SLC41A3: variants seen among roughly 807,000 people sequenced by gnomAD.
SLC41A3 encodes SLC41A1-like 2.
A neutral mutation model predicts 45.4 loss-of-function variants in SLC41A3; 44 were observed. The ratio of observed to expected loss-of-function variants is 0.97; its 90% CI spans 0.76 to 1.25. The LOEUF is 1.25. Ranked by LOEUF, SLC41A3 falls within the 50% of genes most tolerant of loss-of-function variation. SLC41A3 has a pLI of 0.00. For missense variants in SLC41A3, 550 were observed against 600.6 expected, an observed-to-expected ratio of 0.92 and a Z score of 0.88; for synonymous variants, 256 against 252.4, an observed-to-expected ratio of 1.01 and a Z score of -0.13.
At chr3:126,066,446 G>A (rs548518313) in intron 2 of SLC41A3, among the ~76,000 whole-genome samples, 9 of 152,210 alleles carry the variant, frequency 5.9e-5, no homozygotes, top group African/African-American at 1.2e-4. Flanking sequence ...TTAATATAAC[G>A]CGTGAGTTTT....
At chr3:126,021,512 C>T (rs1335065181) in intron 6 of SLC41A3, among the ~76,000 whole-genome samples, 5 of 152,242 alleles carry the variant, frequency 3.3e-5, no homozygotes, top group African/African-American at 9.6e-5. Context: ...TCCTGTCATT[C>T]CAGGCACCAG....
intron 1 of SLC41A3, chr3:126,095,175 T>C: frequency 4.4e-6 from 3 of 688,152 alleles, no homozygotes; most frequent in Non-Finnish European, 7.9e-6. Flanking sequence ...GAGGTTATGC[T>C]TATGTCTCTC....
chr3:126,080,761 G>A (rs989009452), intron 1 of SLC41A3, among the ~76,000 whole-genome samples: 30 of 152,242 alleles, frequency 2.0e-4, no homozygotes, highest in East Asian at 1.2e-3. Flanking sequence ...GACCAGCCTG[G>A]CCAACATGCC....
At chr3:126,095,260 G>A (rs1945573260) in intron 1 of SLC41A3, 2 of 684,286 alleles carry the variant, frequency 2.9e-6, no homozygotes, top group African/African-American at 3.5e-5. Context: ...TGCCAAGGAA[G>A]AGATTCCAGG....
chr3:126,040,553 A>G (rs79467178), intron 3 of SLC41A3, among the ~76,000 whole-genome samples: 1 of 152,126 alleles, frequency 6.6e-6, no homozygotes, highest in African/African-American at 2.4e-5. Context: ...AGGAGCTTCA[A>G]GGAGGGTTGA....
At chr3:126,080,919 C>CTT (rs145306503) in intron 1 of SLC41A3, among the ~76,000 whole-genome samples, 3,993 of 151,720 alleles carry the variant, frequency 0.026, 86 homozygotes, top group Non-Finnish European at 0.037. Flanking sequence ...CCACTGCACT[C>CTT]TAGCCTGGGC....
chr3:126,089,464 C>A (rs914170726), intron 1 of SLC41A3, among the ~76,000 whole-genome samples: 2 of 152,180 alleles, frequency 1.3e-5, no homozygotes, highest in Non-Finnish European at 2.9e-5. Flanking sequence ...CTGCATTTGA[C>A]TGAGGGATGT....
chr3:126,077,367 A>G (rs7612642), intron 1 of SLC41A3, among the ~76,000 whole-genome samples: 98,503 of 151,908 alleles, frequency 0.65, 32,168 homozygotes, highest in Middle Eastern at 0.72. Flanking sequence ...GGGACAGAGT[A>G]AGACTCTGTC....
intron 1 of SLC41A3, among the ~76,000 whole-genome samples, chr3:126,078,253 C>T (rs998303940): frequency 2.0e-5 from 3 of 152,206 alleles, no homozygotes; most frequent in Admixed American, 2.0e-4. Flanking sequence ...CTCAACCTTC[C>T]AGCCTGACCC....
chr3:126,095,705 C>T (rs911529072), intron 1 of SLC41A3, among the ~76,000 whole-genome samples: 1 of 152,076 alleles, frequency 6.6e-6, no homozygotes, highest in East Asian at 1.9e-4. Context: ...AGAAAATGAA[C>T]GTACTTGTTT....
intron 1 of SLC41A3, among the ~76,000 whole-genome samples, chr3:126,082,791 A>AAGGC (rs36039407): frequency 0.22 from 33,301 of 152,012 alleles, 4,255 homozygotes; most frequent in Non-Finnish European, 0.28. Flanking sequence ...GGCTCGCCCA[A>AAGGC]AGGCAGGCAG....
chr3:126,007,887 AGACCCACTGGG>A (rs1580371730), intron 10 of SLC41A3, among the ~76,000 whole-genome samples: 1 of 152,246 alleles, frequency 6.6e-6, no homozygotes, highest in East Asian at 1.9e-4. Flanking sequence ...CAAAGGCCCC[AGACCCACTGGG>A]GACCATCAGC....
chr3:126,029,942 T>C (rs1005742780), intron 4 of SLC41A3, among the ~76,000 whole-genome samples: 16 of 152,008 alleles, frequency 1.1e-4, no homozygotes, highest in African/African-American at 3.1e-4. Flanking sequence ...AAAGGTGGCA[T>C]TGCAAATCAG....
intron 1 of SLC41A3, among the ~76,000 whole-genome samples, chr3:126,089,634 G>C (rs1334468555): frequency 6.6e-6 from 1 of 152,146 alleles, no homozygotes; most frequent in Non-Finnish European, 1.5e-5. Context: ...TATCGTTTGT[G>C]GAACATTTAC....
At chr3:126,028,340 A>C (rs1941531317) in intron 4 of SLC41A3, among the ~76,000 whole-genome samples, 1 of 152,212 alleles carries the variant, frequency 6.6e-6, no homozygotes, top group South Asian at 2.1e-4. Context: ...CAGTCGCTCA[A>C]GCTCCAGTCA....
At chr3:126,022,202 C>T (rs1378149899) in intron 6 of SLC41A3, among the ~76,000 whole-genome samples, 3 of 152,244 alleles carry the variant, frequency 2.0e-5, no homozygotes, top group Non-Finnish European at 2.9e-5. Context: ...GAAATTGCCA[C>T]AAAGTTGCCA....
At chr3:126,040,321 T>C (rs952298302) in intron 3 of SLC41A3, among the ~76,000 whole-genome samples, 9 of 152,184 alleles carry the variant, frequency 5.9e-5, no homozygotes, top group Non-Finnish European at 5.9e-5. Context: ...GTTTTTAAAA[T>C]GCACAAGAGT....
intron 1 of SLC41A3, chr3:126,095,294 C>T: frequency 3.0e-6 from 2 of 670,972 alleles, no homozygotes; most frequent in African/African-American, 1.8e-5. Context: ...CCCCCTGTTG[C>T]AGCCGTGTTG....
rs377693894 is a variant in SLC41A3, at chr3:126,018,464, T to A, written c.746-1589A>T. On this transcript the variant is annotated intron_variant, in intron 6 of 10. Coordinates refer to ENST00000360370, the MANE Select transcript of SLC41A3 (RefSeq NM_017836.4). ...AATCTCCCTGGTGATTAAACATCAC[T>A]GCTGGCAGGCAACACCAGGATGGCA... Among the ~76,000 whole-genome samples the A allele has an allele frequency of 6.6e-5, 10 of 152,348 alleles. No individual in the cohort carries two copies. In the South Asian group the frequency reaches 2.1e-3, roughly 32 times the overall value.
Sources: allele counts gnomAD v4.1 joint callset (sites outside exome capture counted in the v4.1 genomes callset), GRCh38; gene constraint gnomAD v4.1.1; transcripts MANE v1.5; gene names NCBI Gene and HGNC (gene_info 2026-07-23, HGNC 2026-07-21).